Variants in CDH12 observed in about 807,000 individuals in gnomAD.
CDH12 encodes the protein cadherin-12.
A neutral mutation model predicts 74.1 loss-of-function variants in CDH12; 41 were observed. The observed-to-expected ratio is 0.55, with a 90% CI of 0.43 to 0.72. The LOEUF (loss-of-function observed/expected upper bound fraction) is 0.72, where lower values mean the gene tolerates loss of function less well. CDH12 is among the 30% of genes least tolerant of loss of function. CDH12 has a pLI of 0.00. For missense variants in CDH12, 945 were observed against 977.2 expected (o/e 0.97, Z 0.44); for synonymous variants, 399 against 355.0 (o/e 1.12, Z -1.39).
chr5:22,848,080 C>T (rs1386709395), intron 1 of CDH12, among the ~76,000 whole-genome samples: 1 of 152,008 alleles, frequency 6.6e-6, no homozygotes, highest in African/African-American at 2.4e-5. Flanking sequence ...TCTATTTTAT[C>T]TATTCATGTG....
intron 1 of CDH12, among the ~76,000 whole-genome samples, chr5:22,532,350 G>GAT (rs71609770): frequency 0.014 from 397 of 27,554 alleles, 87 homozygotes; most frequent in South Asian, 0.069. Context: ...ATATAAATAG[G>GAT]ATATATATAT....
intron 1 of CDH12, among the ~76,000 whole-genome samples, chr5:22,808,522 C>G (rs1485365692): frequency 6.6e-6 from 1 of 151,350 alleles, no homozygotes; most frequent in Admixed American, 6.6e-5. Context: ...TTTTATGGAA[C>G]TAGGAGTAAA....
rs1363356283 is a variant in CDH12, at chr5:22,294,406, C to T, written c.-332-81763G>A. ...CCACTATTCCCAAACTGTTACCCCC[C>T]AGACACAGGGCCTATATCCATAAAG... On this transcript the variant is annotated intron_variant, in intron 3 of 14. Coordinates refer to ENST00000382254, the MANE Select transcript of CDH12 (RefSeq NM_004061.5). Among the ~76,000 whole-genome samples the T allele has an allele frequency of 3.3e-5, 5 of 152,164 alleles. No homozygotes were observed. The East Asian group carries it at 5.8e-4, about 18-fold the overall frequency.
intron 1 of CDH12, among the ~76,000 whole-genome samples, chr5:22,724,080 G>C (rs1744035689): frequency 6.6e-6 from 1 of 151,728 alleles, no homozygotes; most frequent in Non-Finnish European, 1.5e-5. Flanking sequence ...CAAAAGATGG[G>C]CTGTCAACTT....
intron 11 of CDH12, among the ~76,000 whole-genome samples, chr5:21,776,438 G>T (rs1745593187): frequency 6.6e-6 from 1 of 152,084 alleles, no homozygotes; most frequent in Non-Finnish European, 1.5e-5. Context: ...TTTCTTCTAA[G>T]TTCCTGCACT....
intron 1 of CDH12, among the ~76,000 whole-genome samples, chr5:22,657,990 TAAAC>T (rs1255984325): frequency 1.3e-5 from 2 of 152,168 alleles, no homozygotes; most frequent in Admixed American, 1.3e-4. Flanking sequence ...GCTAAGGAGT[TAAAC>T]AAAGATGCGG....
At chr5:22,757,667 C>T (rs1204490171) in intron 1 of CDH12, among the ~76,000 whole-genome samples, 1 of 152,126 alleles carries the variant, frequency 6.6e-6, no homozygotes, top group African/African-American at 2.4e-5. Flanking sequence ...CAATGTAAAA[C>T]AATTCAATTT....
At chr5:22,540,386 A>G (rs1036336173) in intron 1 of CDH12, among the ~76,000 whole-genome samples, 3 of 152,136 alleles carry the variant, frequency 2.0e-5, no homozygotes, top group Non-Finnish European at 4.4e-5. Context: ...GCAATTTTCC[A>G]TAAGCATTAT....
intron 4 of CDH12, among the ~76,000 whole-genome samples, chr5:22,098,668 A>G (rs187844543): frequency 5.9e-5 from 9 of 152,258 alleles, no homozygotes; most frequent in African/African-American, 1.9e-4. Context: ...CACAATTACA[A>G]TTGTTCCTGG....
At chr5:21,865,943 C>A (rs921772531) in intron 6 of CDH12, among the ~76,000 whole-genome samples, 1 of 152,154 alleles carries the variant, frequency 6.6e-6, no homozygotes, top group African/African-American at 2.4e-5. Flanking sequence ...GTGGGAGGGA[C>A]ACCATGTGAG....
intron 6 of CDH12, among the ~76,000 whole-genome samples, chr5:21,956,251 T>C (rs1312134489): frequency 6.6e-6 from 1 of 151,926 alleles, no homozygotes; most frequent in Non-Finnish European, 1.5e-5. Context: ...TTTTTTCAAT[T>C]CAGCATGGAG....
chr5:22,152,723 T>C (rs1013313124), intron 4 of CDH12, among the ~76,000 whole-genome samples: 4 of 152,152 alleles, frequency 2.6e-5, no homozygotes, highest in African/African-American at 7.2e-5. Flanking sequence ...GAAGTATTCC[T>C]CCTATATAAT....
At chr5:22,140,625 T>C (rs1180441112) in intron 4 of CDH12, among the ~76,000 whole-genome samples, 3 of 152,166 alleles carry the variant, frequency 2.0e-5, no homozygotes, top group Non-Finnish European at 4.4e-5. Context: ...TGTTATTGTT[T>C]TTATTAAAAT....
In CDH12 at chr5:22,441,315, C is replaced by A. The variant is rs565108152; in HGVS notation, c.-427-35964G>T. ...CTCACTGGAAAGCTGGTTTTAAAAC[C>A]AATAGATGGACAATATTTATCTGAA... On this transcript the variant is annotated intron_variant, in intron 2 of 14. Transcript: ENST00000382254. 2.6e-5 allele frequency among the ~76,000 whole-genome samples: 4 copies of A among 152,086 alleles called. No individual in the cohort carries two copies. The South Asian group carries it at 8.3e-4, about 32-fold the overall frequency.
At chr5:22,468,227 C>T (rs933227941) in intron 2 of CDH12, among the ~76,000 whole-genome samples, 7 of 152,176 alleles carry the variant, frequency 4.6e-5, no homozygotes, top group African/African-American at 1.7e-4. Context: ...CATATTCAAC[C>T]TGTGTGATTT....
chr5:22,572,823 G>A (rs140828299), intron 1 of CDH12, among the ~76,000 whole-genome samples: 281 of 152,192 alleles, frequency 1.8e-3, no homozygotes, highest in Non-Finnish European at 2.6e-3. Flanking sequence ...AGCACCTTTA[G>A]ACAAATCCAG....
chr5:22,175,375 T>C (rs1399865426), intron 4 of CDH12, among the ~76,000 whole-genome samples: 2 of 151,882 alleles, frequency 1.3e-5, no homozygotes, highest in Admixed American at 6.6e-5. Flanking sequence ...TTCTTCTGTG[T>C]CTATCAGGTT....
At chr5:22,149,142 AATC>A (rs1423060400) in intron 4 of CDH12, among the ~76,000 whole-genome samples, 1 of 152,104 alleles carries the variant, frequency 6.6e-6, no homozygotes, top group Non-Finnish European at 1.5e-5. Flanking sequence ...AAAAGATACT[AATC>A]ATTGAATTTA....
chr5:21,923,495 G>C (rs1254264389), intron 6 of CDH12, among the ~76,000 whole-genome samples: 3 of 151,974 alleles, frequency 2.0e-5, no homozygotes, highest in Non-Finnish European at 4.4e-5. Flanking sequence ...AGTATACCTT[G>C]CTTTGTTTCT....
Sources: allele counts gnomAD v4.1 joint callset (sites outside exome capture counted in the v4.1 genomes callset), GRCh38; gene constraint gnomAD v4.1.1; transcripts MANE v1.5; gene names NCBI Gene and HGNC (gene_info 2026-07-23, HGNC 2026-07-21).